PPFIBP2: variants seen among roughly 807,000 people sequenced by gnomAD.
PPFIBP2 encodes PPFIB scaffold protein 2, also known as liprin-beta-2.
In PPFIBP2, 118 loss-of-function variants were observed where a neutral mutation model predicts 118.3. The observed-to-expected ratio is 1.00, with a 90% CI of 0.86 to 1.16. The LOEUF (loss-of-function observed/expected upper bound fraction) is 1.16. Ranked by LOEUF, PPFIBP2 falls within the 50% of genes most tolerant of loss-of-function variation. The probability of loss-of-function intolerance (pLI) is 0.00; values close to 1 mark genes in which losing one functional copy is unlikely to be tolerated. For missense variants in PPFIBP2, 1,195 were observed against 1,073.1 expected (o/e 1.11, Z -1.59); for synonymous variants, 414 against 397.4 (o/e 1.04, Z -0.50).
At chr11:7,547,975 C>T (rs921587224) in intron 1 of PPFIBP2, among the ~76,000 whole-genome samples, 24 of 152,094 alleles carry the variant, frequency 1.6e-4, no homozygotes, top group Non-Finnish European at 3.2e-4. Context: ...TTAAAGTTTC[C>T]TCTGAGCTGG....
At chr11:7,588,004 G>T (rs796307506) in intron 3 of PPFIBP2, among the ~76,000 whole-genome samples, 1 of 152,120 alleles carries the variant, frequency 6.6e-6, no homozygotes, top group Non-Finnish European at 1.5e-5. Flanking sequence ...CTGATCTAGG[G>T]TTCGCCACAA....
At chr11:7,649,683 T>C in intron 21 of PPFIBP2, 29 bp downstream of exon 21, 3 of 1,613,530 alleles carry the variant, frequency 1.9e-6, no homozygotes, top group Non-Finnish European at 1.7e-6. Context: ...TCTCTCCAGG[T>C]AGCCCTGAGC....
At chr11:7,662,181 C>T in the PPFIBP2 span, among the ~76,000 whole-genome samples, 2 of 151,304 alleles carry the variant, frequency 1.3e-5, no homozygotes, top group East Asian at 3.9e-4. Context: ...TGAATTTGAT[C>T]CTGTCATTAT....
intron 4 of PPFIBP2, among the ~76,000 whole-genome samples, chr11:7,596,264 C>T (rs1194906306): frequency 2.6e-5 from 4 of 152,200 alleles, no homozygotes; most frequent in Non-Finnish European, 5.9e-5. Flanking sequence ...CCCCAGAGTC[C>T]TGCCCTTTTG....
chr11:7,561,969 G>T (rs1213943417), intron 2 of PPFIBP2, among the ~76,000 whole-genome samples: 2 of 152,184 alleles, frequency 1.3e-5, no homozygotes, highest in Non-Finnish European at 2.9e-5. Flanking sequence ...CCATGGACCT[G>T]GGGAGTCGGG....
At chr11:7,649,028 T>C (rs1483051903) in intron 19 of PPFIBP2, 117 bp downstream of exon 19, 1 of 1,330,260 alleles carries the variant, frequency 7.5e-7, no homozygotes, top group Non-Finnish European at 1.1e-6. Context: ...AGCAGAGGAA[T>C]TACTAAACTT....
intron 16 of PPFIBP2, 156 bp from the exon 17 acceptor site, chr11:7,642,142 G>T: frequency 1.2e-6 from 1 of 854,144 alleles, no homozygotes; most frequent in Non-Finnish European, 1.8e-6. Flanking sequence ...AAGGAGCTGC[G>T]ACAGGTTGTG....
rs1456770253 is a variant in PPFIBP2, at chr11:7,649,607, G to T, written c.2074G>T (p.Val692Phe). The T allele has an allele frequency of 3.7e-6, 6 of 1,614,216 alleles. No individual in the cohort carries two copies. Among genetic ancestry groups the T allele is most frequent in the Non-Finnish European group, 5.1e-6 (6 of 1,180,040 alleles). The change falls in exon 21 of 24, where the codon GTC becomes TTC. Residue 692 changes from valine (V) to phenylalanine (F), a missense_variant. By Grantham distance (50) the Val-to-Phe change is conservative. Transcript: ENST00000299492. ...CAAATGTGCCATTCACGTGCTGCAT[G>T]TCAACAAGTTCAACCCCCACTGCCT... ...SIKCAIHVLH[V>F]NKFNPHCLHR...
rs1414999469 is a variant in PPFIBP2 at position 7,625,818 on chromosome 11, T to C, written c.753T>C (p.Asp251=). The change falls in exon 8 of 24, where the codon GAT becomes GAC. Residue 251 remains aspartate (D), a synonymous_variant. Coordinates refer to ENST00000299492, the MANE Select transcript of PPFIBP2 (RefSeq NM_003621.5). The part of the protein sequence containing the change: ...AQLQEQVALK[D]AEIERLHSQL... The stretch of plus-strand genomic sequence containing the variant: ...TGCAAGAACAGGTGGCCCTGAAAGA[T>C]GCAGAAATTGAGCGTCTGCACAGCC... 1.2e-6 allele frequency: 2 copies of C among 1,614,234 alleles called. No homozygotes were observed. Among genetic ancestry groups the C allele is most frequent in the South Asian group, 2.2e-5 (2 of 91,088 alleles).
At chr11:7,554,430 A>G (rs1360549289) in intron 2 of PPFIBP2, among the ~76,000 whole-genome samples, 2 of 152,148 alleles carry the variant, frequency 1.3e-5, no homozygotes, top group African/African-American at 4.8e-5. Flanking sequence ...TCCTTCTAAA[A>G]AGAGTGCACT....
At chr11:7,631,079 G>A in intron 11 of PPFIBP2, 51 bp downstream of exon 11, 1 of 1,422,604 alleles carries the variant, frequency 7.0e-7, no homozygotes, top group Non-Finnish European at 9.9e-7. Context: ...CTCCGAGCTT[G>A]CCCTGAGCTT....
At chr11:7,576,854 CT>C (rs544480610) in intron 3 of PPFIBP2, 2 of 152,270 alleles carry the variant, frequency 1.3e-5, no homozygotes, top group African/African-American at 2.4e-5. Context: ...ACTGGAGCTG[CT>C]TTTTTTTGGA....
downstream of PPFIBP2, chr11:7,657,246 G>C (rs1237659022): frequency 6.0e-6 from 1 of 167,418 alleles, no homozygotes; most frequent in Non-Finnish European, 1.3e-5. Context: ...TGGTCACCAG[G>C]AGGTCCCTCC....
downstream of PPFIBP2, among the ~76,000 whole-genome samples, chr11:7,654,018 G>A (rs1854452431): frequency 6.6e-6 from 1 of 152,194 alleles, no homozygotes; most frequent in Non-Finnish European, 1.5e-5. Flanking sequence ...TGCACATCCT[G>A]ACCATAGGGT....
intron 1 of PPFIBP2, among the ~76,000 whole-genome samples, chr11:7,517,242 C>T (rs978670505): frequency 7.2e-5 from 11 of 152,170 alleles, no homozygotes; most frequent in Admixed American, 2.0e-4. Context: ...AGTGAGAGCT[C>T]GAGTGAGGGT....
At chr11:7,596,222 A>G (rs1349061214) in intron 4 of PPFIBP2, among the ~76,000 whole-genome samples, 1 of 152,198 alleles carries the variant, frequency 6.6e-6, no homozygotes, top group Admixed American at 6.5e-5. Context: ...CTTCACAAAC[A>G]GAAACTCTGG....
chr11:7,533,730 C>T (rs1850959728), intron 1 of PPFIBP2, among the ~76,000 whole-genome samples: 2 of 152,024 alleles, frequency 1.3e-5, no homozygotes, highest in Admixed American at 6.5e-5. Context: ...AAAGCACCCA[C>T]GTAGAGGAAG....
At chr11:7,625,693 T>G in intron 7 of PPFIBP2, 84 bp from the exon 8 acceptor site, 2 of 1,060,008 alleles carry the variant, frequency 1.9e-6, no homozygotes, top group Non-Finnish European at 2.9e-6. Flanking sequence ...TGGTGCCTGA[T>G]GGGGTCTGGA....
At chr11:7,664,011 CA>C in the PPFIBP2 span, among the ~76,000 whole-genome samples, 1 of 151,814 alleles carries the variant, frequency 6.6e-6, no homozygotes, top group East Asian at 2.0e-4. Context: ...TCGGCTCGCA[CA>C]CGGTGCGCGC....
Sources: gnomAD v4.1 joint callset for allele counts (sites outside exome capture counted in the v4.1 genomes callset) on GRCh38, gnomAD v4.1.1 for gene constraint, MANE v1.5 for transcripts, NCBI Gene and HGNC (gene_info 2026-07-23, HGNC 2026-07-21) for gene names.